TRHDE: variants seen among roughly 807,000 people sequenced by gnomAD.
TRHDE encodes the protein thyrotropin-releasing hormone-degrading ectoenzyme.
TRHDE carries 72 observed loss-of-function variants against 125.7 expected under a neutral mutation model. The ratio of observed to expected loss-of-function variants is 0.57; its 90% CI spans 0.47 to 0.70. TRHDE has a LOEUF of 0.70. Ranked by LOEUF, TRHDE falls within the 30% of genes least tolerant of loss-of-function variation. The probability of loss-of-function intolerance (pLI) is 0.00; values close to 1 mark genes in which losing one functional copy is unlikely to be tolerated. For missense variants in TRHDE, 1,110 were observed against 1,327.1 expected (o/e 0.84, Z 2.54); for synonymous variants, 509 against 509.1 (o/e 1.00, Z 0.00).
chr12:72,207,110 T>C (rs1877683755), intron 2 of TRHDE, among the ~76,000 whole-genome samples: 1 of 152,214 alleles, frequency 6.6e-6, no homozygotes, highest in African/African-American at 2.4e-5. Flanking sequence ...TATCTTTCTC[T>C]TGGACATCTG....
At chr12:72,533,723 G>GTTTTTTTTTTTTTTTTTTTTTTTTT in intron 6 of TRHDE, among the ~76,000 whole-genome samples, 3 of 97,898 alleles carry the variant, frequency 3.1e-5, no homozygotes, top group Non-Finnish European at 6.9e-5. Flanking sequence ...TTTTCTATTT[G>GTTTTTTTTTTTTTTTTTTTTTTTTT]TTTTTTTTTT....
chr12:72,595,672 A>G (rs537469563), intron 12 of TRHDE, among the ~76,000 whole-genome samples: 23 of 152,278 alleles, frequency 1.5e-4, no homozygotes, highest in African/African-American at 5.1e-4. Context: ...CTTAGCTTCA[A>G]TAAAATATGT....
chr12:72,364,656 A>G (rs1290896238), intron 2 of TRHDE, among the ~76,000 whole-genome samples: 1 of 152,048 alleles, frequency 6.6e-6, no homozygotes, highest in Non-Finnish European at 1.5e-5. Context: ...AAAATATACA[A>G]GAGAGATAAT....
chr12:72,484,649 G>A (rs931456613), intron 5 of TRHDE, among the ~76,000 whole-genome samples: 1 of 152,130 alleles, frequency 6.6e-6, no homozygotes, highest in African/African-American at 2.4e-5. Context: ...GATTATAAGA[G>A]TTTCTATGTT....
At position 72,524,832 on chromosome 12, in the gene TRHDE, A is replaced by G. The variant is rs546424519; in HGVS notation, c.1723-17459A>G. ...CTTCTACTATAAGAGGAGGCCCCGC[A>G]ACACTTTGTCTGAAAGAGGAAGCAG... On this transcript the variant is annotated intron_variant, in intron 6 of 18. Coordinates refer to ENST00000261180, the MANE Select transcript of TRHDE (RefSeq NM_013381.3). Among the ~76,000 whole-genome samples the G allele has an allele frequency of 2.6e-5, 4 of 152,288 alleles. No homozygotes were observed. The East Asian group carries it at 7.7e-4, about 29-fold the overall frequency.
At chr12:72,352,697 C>T (rs1286876518) in intron 2 of TRHDE, among the ~76,000 whole-genome samples, 2 of 151,638 alleles carry the variant, frequency 1.3e-5, no homozygotes, top group African/African-American at 2.4e-5. Flanking sequence ...TTCCTTTGAA[C>T]ACTGATTCTT....
At chr12:72,238,301 T>TAC (rs1565669860) in intron 2 of TRHDE, among the ~76,000 whole-genome samples, 3 of 33,716 alleles carry the variant, frequency 8.9e-5, no homozygotes, top group East Asian at 8.7e-4. Flanking sequence ...TATATATATA[T>TAC]ATATATATAT....
At chr12:72,498,628 A>G (rs1592491580) in intron 5 of TRHDE, among the ~76,000 whole-genome samples, 1 of 152,304 alleles carries the variant, frequency 6.6e-6, no homozygotes, top group South Asian at 2.1e-4. Flanking sequence ...CAGCATTTCT[A>G]TTAACAAAAA....
At chr12:72,643,750 CTG>C (rs1313931330) in intron 15 of TRHDE, among the ~76,000 whole-genome samples, 1 of 152,146 alleles carries the variant, frequency 6.6e-6, no homozygotes, top group Non-Finnish European at 1.5e-5. Context: ...CACCCAGAGG[CTG>C]TGTTTTAACA....
chr12:72,318,611 G>C (rs574169035), intron 2 of TRHDE, among the ~76,000 whole-genome samples: 1 of 152,268 alleles, frequency 6.6e-6, no homozygotes, highest in South Asian at 2.1e-4. Context: ...CCAGGTGTTA[G>C]AAGCTTCTCT....
chr12:72,434,517 T>A (rs1262022565), intron 3 of TRHDE, among the ~76,000 whole-genome samples: 1 of 152,094 alleles, frequency 6.6e-6, no homozygotes, highest in Non-Finnish European at 1.5e-5. Flanking sequence ...TTTATGGAGC[T>A]CCTCATGCTG....
chr12:72,185,291 G>A (rs944958811), intron 2 of TRHDE, among the ~76,000 whole-genome samples: 14 of 152,236 alleles, frequency 9.2e-5, no homozygotes, highest in Non-Finnish European at 2.9e-5. Context: ...GCGGGGCAGG[G>A]CTGGGGACCT....
chr12:72,212,004 G>A (rs1362502775), intron 2 of TRHDE, among the ~76,000 whole-genome samples: 4 of 152,032 alleles, frequency 2.6e-5, no homozygotes, highest in Non-Finnish European at 5.9e-5. Flanking sequence ...CCACTAAAAT[G>A]TATACATGCA....
intron 2 of TRHDE, among the ~76,000 whole-genome samples, chr12:72,209,856 C>G (rs915792821): frequency 6.6e-6 from 1 of 152,148 alleles, no homozygotes; most frequent in East Asian, 1.9e-4. Flanking sequence ...AGTGTGTTTT[C>G]TGATGCATTT....
chr12:72,423,810 C>G (rs1874064446), intron 3 of TRHDE, among the ~76,000 whole-genome samples: 1 of 151,816 alleles, frequency 6.6e-6, no homozygotes, highest in African/African-American at 2.4e-5. Context: ...GAAGAGGAAG[C>G]AGAAGAGGAA....
chr12:72,439,447 C>A (rs542513365), intron 3 of TRHDE, among the ~76,000 whole-genome samples: 3 of 151,486 alleles, frequency 2.0e-5, no homozygotes, highest in African/African-American at 7.3e-5. Context: ...GATTTTTTTC[C>A]ATTTATTTGT....
intron 2 of TRHDE, among the ~76,000 whole-genome samples, chr12:72,209,335 A>G (rs1270912069): frequency 3.3e-5 from 5 of 152,202 alleles, no homozygotes; most frequent in Admixed American, 3.3e-4. Flanking sequence ...GGTTCCCCAG[A>G]GTCCTGAATC....
intron 2 of TRHDE, chr12:72,263,189 A>G (rs1323170183): frequency 1.3e-5 from 2 of 152,074 alleles, no homozygotes; most frequent in African/African-American, 4.8e-5. Context: ...CTATTTGTAC[A>G]TAGTTCAGTC....
chr12:72,623,690 C>T (rs909023712), intron 15 of TRHDE, among the ~76,000 whole-genome samples: 1 of 151,926 alleles, frequency 6.6e-6, no homozygotes, highest in African/African-American at 2.4e-5. Flanking sequence ...CATTCTGATT[C>T]ATGAAGGATA....
Sources: allele counts gnomAD v4.1 joint callset (sites outside exome capture counted in the v4.1 genomes callset), GRCh38; gene constraint gnomAD v4.1.1; transcripts MANE v1.5; gene names NCBI Gene and HGNC (gene_info 2026-07-23, HGNC 2026-07-21).